The following RGS11 variants were observed in gnomAD, a reference collection of about 807,000 sequenced individuals.
RGS11 encodes regulator of G-protein signaling 11.
RGS11 carries 86 observed loss-of-function variants against 71.1 expected under a neutral mutation model. That is an observed-to-expected ratio of 1.21 (90% CI 1.02 to 1.45). The LOEUF (loss-of-function observed/expected upper bound fraction) is 1.45, where lower values mean the gene tolerates loss of function less well. Ranked by LOEUF, RGS11 falls within the 40% of genes most tolerant of loss-of-function variation. The probability of loss-of-function intolerance (pLI) is 0.00; values close to 1 mark genes in which losing one functional copy is unlikely to be tolerated. For synonymous variants in RGS11, 298 were observed against 254.2 expected (o/e 1.17, Z -1.64); for missense variants, 734 against 635.1 (o/e 1.16, Z -1.67).
chr16:274,647 A>G, intron 4 of RGS11: 1 of 648,342 alleles, frequency 1.5e-6, no homozygotes. Context: ...TGCTGTCCTC[A>G]GGCCTTCACA....
rs2051794408 is a variant in RGS11, at chr16:269,011, A to G, written c.*258T>C. ...TTGGTCTCACCTCTCTTCAGGTAACAGGCTCTGCCCTGACCCAAGCTGAGC... is the reference window on the plus strand; with the variant it reads ...TTGGTCTCACCTCTCTTCAGGTAACGGGCTCTGCCCTGACCCAAGCTGAGC... On this transcript the variant is annotated 3_prime_UTR_variant, in exon 17 of 17. Transcript: ENST00000397770. 7.0e-7 allele frequency: 1 copy of G among 1,419,246 alleles called. No individual in the cohort carries two copies. Among genetic ancestry groups the G allele is most frequent in the Non-Finnish European group, 9.7e-7 (1 of 1,027,604 alleles). 87.9% of individuals were successfully genotyped at this position (1,419,246 alleles called of 1,614,324 possible).
At chr16:272,283 C>T in intron 9 of RGS11, 6 of 1,255,394 alleles carry the variant, frequency 4.8e-6, no homozygotes, top group Non-Finnish European at 4.1e-6. Flanking sequence ...GGCGGACGCG[C>T]TGCGAGTCCT....
intron 7 of RGS11, 60 bp downstream of exon 7, chr16:273,700 G>A: frequency 3.8e-6 from 6 of 1,573,136 alleles, no homozygotes; most frequent in Non-Finnish European, 2.6e-6. Flanking sequence ...CCTGGGCTGG[G>A]CTTCCCGGGT....
chr16:275,339 C>A lies in RGS11; in HGVS notation c.161-6G>T, dbSNP rs754564405. ...CCACTGCACGACGTCGCTGCCTGCA[C>A]GGGAGAGACAGAGGTGGAGGGAGGC... On this transcript the variant is annotated splice_region_variant and splice_polypyrimidine_tract_variant and intron_variant, in intron 2 of 16. Coordinates refer to ENST00000397770, the MANE Select transcript of RGS11 (RefSeq NM_183337.3). 1.2e-6 allele frequency: 2 copies of A among 1,612,150 alleles called. No individual in the cohort carries two copies. The highest frequency in any genetic ancestry group is 1.1e-5 in the South Asian group (1 of 91,074).
chr16:275,142 C>T, intron 3 of RGS11, 60 bp from the exon 4 acceptor site: 1 of 1,515,590 alleles, frequency 6.6e-7, no homozygotes, highest in African/African-American at 1.4e-5. Flanking sequence ...CGGGACGAGC[C>T]GGGCCTCCTC....
At position 274,607 on chromosome 16, in the gene RGS11, G is replaced by C. The variant is rs1057005739; in HGVS notation, c.319-342C>G. 25 of 604,412 alleles carry C rather than the reference G, an allele frequency of 4.1e-5. No homozygotes were observed. The African/African-American group carries it at 4.5e-4, about 11-fold the overall frequency. The allele number at this position is 604,412 out of a possible 1,614,324, so 37.4% of individuals were successfully genotyped here. On this transcript the variant is annotated intron_variant, in intron 4 of 16. Coordinates refer to ENST00000397770, the MANE Select transcript of RGS11 (RefSeq NM_183337.3). ...GTACAACCGACGGCAGGTCGGCCCG[G>C]GACCCTGATGTGGTTAGGGAGGGCA...
Position 273,543 on chromosome 16 carries a change from G to T in RGS11, c.520C>A (p.Arg174Ser), listed in dbSNP as rs201529925. ...AREQLRAAKQRSKGDRLVIAC... is the reference protein window; with the variant it reads ...AREQLRAAKQSSKGDRLVIAC... ...ATGACCAGCCTGTCCCCCTTGCTGCGCTGCTTGGCTGCCCTGGGAGGAGGA... is the reference window on the plus strand; with the variant it reads ...ATGACCAGCCTGTCCCCCTTGCTGCTCTGCTTGGCTGCCCTGGGAGGAGGA... Residue 174 changes from arginine (R) to serine (S), a missense_variant, in exon 8 of 17, where the codon CGC becomes AGC. Arg to Ser is a moderately radical substitution (Grantham distance 110). Transcript: ENST00000397770. 2 of 1,559,640 alleles carry T rather than the reference G, an allele frequency of 1.3e-6. No individual in the cohort carries two copies. The highest frequency in any genetic ancestry group is 1.7e-6 in the Non-Finnish European group (2 of 1,152,176).
rs200635353 is a variant in RGS11 at position 273,581 on chromosome 16, G to A, written c.507-25C>T. 1,039 of 1,552,530 alleles carry A rather than the reference G, an allele frequency of 6.7e-4. 8 individuals carry two copies. The African/African-American group carries it at 0.013, about 19-fold the overall frequency. On this transcript the variant is annotated intron_variant, in intron 7 of 16. Coordinates refer to ENST00000397770, the MANE Select transcript of RGS11 (RefSeq NM_183337.3). ...CCTGGGAGGAGGAGGCCGAGTTGAGGGCACGCCCTGCACACAGCAGCCCCT... is the reference window on the plus strand; with the variant it reads ...CCTGGGAGGAGGAGGCCGAGTTGAGAGCACGCCCTGCACACAGCAGCCCCT...
chr16:273,547 C>T lies in RGS11; in HGVS notation c.516G>A (p.Lys172=). 6.4e-7 allele frequency: 1 copy of T among 1,560,074 alleles called. No homozygotes were observed. The highest frequency in any genetic ancestry group is 8.7e-7 in the Non-Finnish European group (1 of 1,152,310). ...MQAREQLRAA[K]QRSKGDRLVI... ...CCAGCCTGTCCCCCTTGCTGCGCTGCTTGGCTGCCCTGGGAGGAGGAGGCC... is the reference window on the plus strand; with the variant it reads ...CCAGCCTGTCCCCCTTGCTGCGCTGTTTGGCTGCCCTGGGAGGAGGAGGCC... The change falls in exon 8 of 17, where the codon AAG becomes AAA. Residue 172 remains lysine, a synonymous_variant. Transcript: ENST00000397770.
At position 270,730 on chromosome 16, in the gene RGS11, C is replaced by G; in HGVS notation, c.1067+14G>C. On this transcript the variant is annotated intron_variant, in intron 14 of 16. Transcript: ENST00000397770. ...TGCCCGTTGGCCAACCGGTGCCCAC[C>G]ACGCAGCACTTACTCGTACACGGCA... 1.9e-6 allele frequency: 3 copies of G among 1,611,772 alleles called. No individual in the cohort carries two copies. Among genetic ancestry groups the G allele is most frequent in the Non-Finnish European group, 2.5e-6 (3 of 1,179,620 alleles).
chr16:275,886 G>A lies in RGS11; in HGVS notation c.26C>T (p.Pro9Leu). MAAGPAPPPGRPRAQMPHL... is the reference protein window; with the variant it reads MAAGPAPPLGRPRAQMPHL... ...CGGCATCTGCGCCCGGGGGCGGCCG[G>A]GGGGCGGCGCGGGGCCGGCGGCCAT... The change falls in exon 1 of 17, where the codon CCC becomes CTC. Residue 9 changes from proline to leucine, a missense_variant. Coordinates refer to ENST00000397770, the MANE Select transcript of RGS11 (RefSeq NM_183337.3). 1 of 948,916 alleles carries A rather than the reference G, an allele frequency of 1.1e-6. No individual in the cohort carries two copies. The highest frequency in any genetic ancestry group is 1.3e-6 in the Non-Finnish European group (1 of 777,902). 58.8% of individuals were successfully genotyped at this position (948,916 alleles called of 1,614,324 possible). A position where few individuals can be genotyped will look rare whatever the true frequency, so the allele number is the denominator to read the frequency against.
Position 269,039 on chromosome 16 carries a change from A to C in RGS11, c.*230T>G. On this transcript the variant is annotated 3_prime_UTR_variant, in exon 17 of 17. Transcript: ENST00000397770. ...CTCTGCCCTGACCCAAGCTGAGCCA[A>C]TGAACCCCCTCCCTGGGAATCCACA... The C allele has an allele frequency of 8.4e-7, 1 of 1,189,996 alleles. No individual in the cohort carries two copies. Among genetic ancestry groups the C allele is most frequent in the Non-Finnish European group, 1.2e-6 (1 of 818,610 alleles). The allele number at this position is 1,189,996 out of a possible 1,614,324, so 73.7% of individuals were successfully genotyped here.
chr16:275,368 G>A, intron 2 of RGS11, 34 bp downstream of exon 2: 2 of 1,610,852 alleles, frequency 1.2e-6, no homozygotes, highest in Non-Finnish European at 1.7e-6. Context: ...GGGAGGCCGA[G>A]GCGCGCACGC....
Position 275,303 on chromosome 16 carries a change from T to A in RGS11, c.191A>T (p.Lys64Met), listed in dbSNP as rs1307857454. The stretch of plus-strand genomic sequence containing the variant: ...CTCACCCTCCTCCGAGACGCAGAAC[T>A]TCTGGGCCAACCACTGCACGACGTC... Reference protein sequence around the residue: ...GSDVVQWLAQKFCVSEEEALH... With the variant: ...GSDVVQWLAQMFCVSEEEALH... Residue 64 changes from lysine to methionine, a missense_variant, in exon 3 of 17, where the codon AAG becomes ATG. Transcript: ENST00000397770. The A allele has an allele frequency of 1.9e-6, 3 of 1,612,406 alleles. No homozygotes were observed. The highest frequency in any genetic ancestry group is 2.5e-6 in the Non-Finnish European group (3 of 1,179,810).
At chr16:270,026 G>C (rs1402944611) in intron 15 of RGS11, 1 of 180,034 alleles carries the variant, frequency 5.6e-6, no homozygotes, top group South Asian at 1.3e-4. Flanking sequence ...GATGCGGGTG[G>C]ATCATGAGGT....
chr16:272,979 A>T, intron 8 of RGS11, 48 bp from the exon 9 acceptor site: 2 of 1,438,100 alleles, frequency 1.4e-6, no homozygotes, highest in Non-Finnish European at 9.2e-7. Flanking sequence ...CCGGTGGCTG[A>T]CCCCCTTTAA....
chr16:273,465 G>T lies in RGS11; in HGVS notation c.588+10C>A. On this transcript the variant is annotated intron_variant, in intron 8 of 16. Coordinates refer to ENST00000397770, the MANE Select transcript of RGS11 (RefSeq NM_183337.3). The stretch of plus-strand genomic sequence containing the variant: ...CCAGCGACCCCCACCCTCACCGCAG[G>T]TGGGCTCACCGGGGGCCTGTTCACC... 1 of 1,547,008 alleles carries T rather than the reference G, an allele frequency of 6.5e-7. No individual in the cohort carries two copies.
intron 16 of RGS11, 55 bp downstream of exon 16, chr16:269,448 G>T: frequency 6.3e-7 from 1 of 1,591,268 alleles, no homozygotes; most frequent in Non-Finnish European, 8.6e-7. Context: ...TCACTGCAGG[G>T]CCCCAGCAGC....
At chr16:270,214 A>ACTC (rs2051862828) in intron 15 of RGS11, among the ~76,000 whole-genome samples, 1 of 151,962 alleles carries the variant, frequency 6.6e-6, no homozygotes, top group Non-Finnish European at 1.5e-5. Flanking sequence ...CCGCCACTGC[A>ACTC]CTCCAGCCTG....
Sources: gnomAD v4.1 joint callset for allele counts (sites outside exome capture counted in the v4.1 genomes callset) on GRCh38, gnomAD v4.1.1 for gene constraint, MANE v1.5 for transcripts, NCBI Gene and HGNC (gene_info 2026-07-23, HGNC 2026-07-21) for gene names.